The following THADA variants were observed in gnomAD, a reference collection of about 807,000 sequenced individuals.
THADA encodes THADA armadillo repeat containing.
Under a neutral mutation model 219.8 loss-of-function variants are expected in THADA, and 213 were observed. That is an observed-to-expected ratio of 0.97 (90% CI 0.87 to 1.09). The LOEUF (loss-of-function observed/expected upper bound fraction) is 1.09, where lower values mean the gene tolerates loss of function less well. THADA is among the 50% of genes least tolerant of loss of function. THADA has a pLI of 0.00. For missense variants in THADA, 2,956 were observed against 2,311.3 expected, an observed-to-expected ratio of 1.28 and a Z score of -5.72; for synonymous variants, 1,018 against 828.9, an observed-to-expected ratio of 1.23 and a Z score of -3.92.
intron 29 of THADA, among the ~76,000 whole-genome samples, chr2:43,346,150 T>C (rs1042001207): frequency 1.3e-5 from 2 of 151,024 alleles, no homozygotes; most frequent in African/African-American, 2.4e-5. Flanking sequence ...TGGAAAAAAA[T>C]GGGGCAGGGA....
intron 31 of THADA, among the ~76,000 whole-genome samples, chr2:43,314,665 A>G (rs1392852406): frequency 6.6e-6 from 1 of 152,206 alleles, no homozygotes; most frequent in African/African-American, 2.4e-5. Context: ...CCAGCCTGAG[A>G]CCCAGCCCTC....
chr2:43,545,108 C>T (rs1474532889), intron 20 of THADA, among the ~76,000 whole-genome samples: 3 of 152,116 alleles, frequency 2.0e-5, no homozygotes, highest in African/African-American at 7.2e-5. Flanking sequence ...TGTCAAAGGC[C>T]TTTTCTGCAT....
intron 26 of THADA, among the ~76,000 whole-genome samples, chr2:43,430,879 G>A (rs1679163813): frequency 6.6e-6 from 1 of 152,210 alleles, no homozygotes; most frequent in Non-Finnish European, 1.5e-5. Context: ...TACCTTGTGG[G>A]ACAAAATGGC....
At chr2:43,550,448 A>T (rs1696619503) in intron 19 of THADA, among the ~76,000 whole-genome samples, 1 of 152,206 alleles carries the variant, frequency 6.6e-6, no homozygotes, top group Admixed American at 6.5e-5. Flanking sequence ...CCAAGAAAAG[A>T]TCAGAGAATA....
chr2:43,333,504 G>C (rs999886205), intron 30 of THADA, among the ~76,000 whole-genome samples: 1 of 151,016 alleles, frequency 6.6e-6, no homozygotes, highest in Non-Finnish European at 1.5e-5. Flanking sequence ...ATTAAAAAAA[G>C]GAGGATCCTT....
At chr2:43,594,205 TA>T (rs1001414390) in intron 1 of THADA, among the ~76,000 whole-genome samples, 3 of 151,912 alleles carry the variant, frequency 2.0e-5, no homozygotes, top group African/African-American at 7.3e-5. Flanking sequence ...GCAATCTCTT[TA>T]AAAAAAACTC....
Position 43,489,024 on chromosome 2 carries a change from A to G in THADA, c.3745-3699T>C, listed in dbSNP as rs191245570. Reference sequence around the variant, plus strand: ...TTGGGTTGTCGTTTATTATTGAGTTATAAGAGTTCTTTATATATTCTGGAC... The same window carrying G: ...TTGGGTTGTCGTTTATTATTGAGTTGTAAGAGTTCTTTATATATTCTGGAC... On this transcript the variant is annotated intron_variant, in intron 25 of 37. Coordinates refer to ENST00000405975, the MANE Select transcript of THADA (RefSeq NM_022065.5). Among the ~76,000 whole-genome samples, 83 of 152,292 alleles carry G rather than the reference A, an allele frequency of 5.5e-4. 1 individual carries two copies. Among genetic ancestry groups the G allele is most frequent in the Admixed American group, 1.5e-3 (23 of 15,292 alleles).
chr2:43,295,955 T>A (rs908996759), intron 31 of THADA, among the ~76,000 whole-genome samples: 3 of 149,684 alleles, frequency 2.0e-5, no homozygotes, highest in African/African-American at 7.4e-5. Flanking sequence ...AGTCTCGCTC[T>A]GTCGCCCAGG....
chr2:43,321,106 G>C (rs1678653094), intron 30 of THADA, among the ~76,000 whole-genome samples: 1 of 152,188 alleles, frequency 6.6e-6, no homozygotes, highest in Non-Finnish European at 1.5e-5. Context: ...ATATGGAGCA[G>C]CTCTTTGAAC....
chr2:43,276,705 T>C (rs1233683985), intron 36 of THADA, among the ~76,000 whole-genome samples: 1 of 152,194 alleles, frequency 6.6e-6, no homozygotes, highest in Non-Finnish European at 1.5e-5. Flanking sequence ...GGTCTCCCTT[T>C]GCCCTCTCCA....
intron 36 of THADA, among the ~76,000 whole-genome samples, chr2:43,257,895 C>A (rs1022807516): frequency 1.3e-5 from 2 of 152,062 alleles, no homozygotes; most frequent in Non-Finnish European, 2.9e-5. Flanking sequence ...AAGAGAAAGT[C>A]CAGAGGCAGG....
intron 22 of THADA, among the ~76,000 whole-genome samples, chr2:43,525,109 A>G (rs1692993870): frequency 6.6e-6 from 1 of 152,150 alleles, no homozygotes; most frequent in African/African-American, 2.4e-5. Context: ...AACACATAAA[A>G]AACAAAAAAA....
intron 35 of THADA, among the ~76,000 whole-genome samples, chr2:43,282,604 T>C (rs759929665): frequency 6.6e-6 from 1 of 152,206 alleles, no homozygotes; most frequent in African/African-American, 2.4e-5. Context: ...AAGAGAATCA[T>C]AGCATGTTAA....
chr2:43,427,498 A>C (rs542414319), intron 28 of THADA, among the ~76,000 whole-genome samples: 2 of 63,422 alleles, frequency 3.2e-5, no homozygotes, highest in South Asian at 1.3e-3. Flanking sequence ...GACCCCTCCC[A>C]AAGTTTGTGT....
At chr2:43,417,468 C>A (rs1472626368) in intron 28 of THADA, among the ~76,000 whole-genome samples, 3 of 152,078 alleles carry the variant, frequency 2.0e-5, no homozygotes, top group Non-Finnish European at 4.4e-5. Flanking sequence ...TTCAGTTGAG[C>A]CAGTTTTATT....
chr2:43,516,488 G>A (rs901678223), intron 22 of THADA, among the ~76,000 whole-genome samples: 1 of 152,044 alleles, frequency 6.6e-6, no homozygotes, highest in Non-Finnish European at 1.5e-5. Context: ...TCTCTCTGCC[G>A]TGAATACTCT....
chr2:43,491,310 A>G (rs1295445552), intron 25 of THADA, among the ~76,000 whole-genome samples: 1 of 152,238 alleles, frequency 6.6e-6, no homozygotes, highest in Non-Finnish European at 1.5e-5. Context: ...TTGGCAATAA[A>G]ACATGTCCCT....
At chr2:43,438,787 C>T (rs111342703) in intron 26 of THADA, among the ~76,000 whole-genome samples, 177 of 152,232 alleles carry the variant, frequency 1.2e-3, no homozygotes, top group Middle Eastern at 0.01. Flanking sequence ...ATATACTATG[C>T]TTTTTCCTGT....
At chr2:43,312,941 GA>G (rs1367207555) in intron 31 of THADA, among the ~76,000 whole-genome samples, 12 of 152,134 alleles carry the variant, frequency 7.9e-5, no homozygotes, top group African/African-American at 2.4e-4. Flanking sequence ...TGTTAAAATG[GA>G]AATAGTTAAA....
Sources: allele counts gnomAD v4.1 joint callset (sites outside exome capture counted in the v4.1 genomes callset), GRCh38; gene constraint gnomAD v4.1.1; transcripts MANE v1.5; gene names NCBI Gene and HGNC (gene_info 2026-07-23, HGNC 2026-07-21).